The following TBC1D5 variants were observed in gnomAD, a reference collection of about 807,000 sequenced individuals.
TBC1D5 encodes TBC1 domain family member 5, also known as TBC1 domain family, member 5.
In TBC1D5, 75 loss-of-function variants were observed where a neutral mutation model predicts 100.3. The observed-to-expected ratio is 0.75, with a 90% confidence interval of 0.62 to 0.91. TBC1D5 has a LOEUF of 0.91. TBC1D5 is among the 40% of genes least tolerant of loss of function. The pLI, the probability that TBC1D5 is intolerant of heterozygous loss-of-function variation, is 0.00. For missense variants in TBC1D5, 910 were observed against 942.4 expected (o/e 0.97, Z 0.45); for synonymous variants, 323 against 325.6 (o/e 0.99, Z 0.09).
chr3:17,656,806 T>C (rs1351125853), intron 1 of TBC1D5, among the ~76,000 whole-genome samples: 1 of 146,946 alleles, frequency 6.8e-6, no homozygotes, highest in Non-Finnish European at 1.5e-5. Flanking sequence ...AGATATTTTA[T>C]TTATCATCAA....
chr3:17,251,190 C>T (rs1460138872), intron 16 of TBC1D5, among the ~76,000 whole-genome samples: 3 of 152,090 alleles, frequency 2.0e-5, no homozygotes, highest in East Asian at 1.9e-4. Flanking sequence ...TCATCATGGT[C>T]CACTCTTTTA....
intron 1 of TBC1D5, among the ~76,000 whole-genome samples, chr3:17,652,370 C>A (rs755077450): frequency 2.0e-5 from 3 of 152,022 alleles, no homozygotes; most frequent in Non-Finnish European, 1.5e-5. Flanking sequence ...AAAACTACAT[C>A]GAAAACTTCA....
intron 14 of TBC1D5, among the ~76,000 whole-genome samples, chr3:17,298,813 C>T (rs2082520364): frequency 6.6e-6 from 1 of 152,126 alleles, no homozygotes; most frequent in African/African-American, 2.4e-5. Context: ...GACTATATGA[C>T]ATTGTGACAG....
In TBC1D5 at chr3:17,484,783, C is replaced by T. The variant is rs79531044; in HGVS notation, c.97+23691G>A. ...ACAGGCATGAGCCACTAGGCCCGAC[C>T]TTAAAACCAAGTATATATGCTACCA... On this transcript the variant is annotated intron_variant, in intron 3 of 21. Transcript: ENST00000253692. Among the ~76,000 whole-genome samples, 526 of 152,172 alleles carry T rather than the reference C, an allele frequency of 3.5e-3. 3 individuals carry two copies. The highest frequency in any genetic ancestry group is 0.012 in the African/African-American group (511 of 41,516).
chr3:17,490,693 A>T (rs2095629430), intron 3 of TBC1D5, among the ~76,000 whole-genome samples: 1 of 152,192 alleles, frequency 6.6e-6, no homozygotes, highest in African/African-American at 2.4e-5. Context: ...TTGTACCAGT[A>T]CCATGCTGTG....
Position 17,161,033 on chromosome 3 carries a change from G to C in TBC1D5, c.2318C>G (p.Pro773Arg), listed in dbSNP as rs2065974315. ...GCTGTCGTCATCAGGACTGGAGCTG[G>C]GGTTGCTGGAGGAAGCTGAGGCTGG... The change falls in exon 22 of 22, where the codon CCC becomes CGC. Residue 773 changes from proline to arginine, a missense_variant. Transcript: ENST00000253692. The C allele has an allele frequency of 3.1e-6, 5 of 1,614,236 alleles. No homozygotes were observed. The highest frequency in any genetic ancestry group is 4.5e-5 in the East Asian group (2 of 44,874).
chr3:17,307,968 G>C (rs888067091), intron 14 of TBC1D5, 24 bp downstream of exon 14: 3 of 1,589,988 alleles, frequency 1.9e-6, no homozygotes, highest in African/African-American at 1.4e-5. Context: ...CTAGTCAAAT[G>C]TAGGAAAGGT....
At chr3:17,720,692 C>T (rs981665436) in intron 1 of TBC1D5, among the ~76,000 whole-genome samples, 4 of 152,092 alleles carry the variant, frequency 2.6e-5, no homozygotes, top group Non-Finnish European at 5.9e-5. Flanking sequence ...TACCTGTGGT[C>T]CCAGCTATTT....
chr3:17,180,185 T>C (rs2068277046), intron 19 of TBC1D5, among the ~76,000 whole-genome samples: 1 of 152,250 alleles, frequency 6.6e-6, no homozygotes, highest in African/African-American at 2.4e-5. Context: ...ATATTTTCAA[T>C]TCCTGTCTCT....
chr3:17,635,845 G>C (rs535751127), intron 1 of TBC1D5, among the ~76,000 whole-genome samples: 1 of 152,250 alleles, frequency 6.6e-6, no homozygotes, highest in East Asian at 1.9e-4. Flanking sequence ...AAGTTTTACT[G>C]CCAAAATGAA....
At chr3:17,671,514 A>G (rs1230056385) in intron 1 of TBC1D5, among the ~76,000 whole-genome samples, 1 of 152,228 alleles carries the variant, frequency 6.6e-6, no homozygotes, top group Non-Finnish European at 1.5e-5. Context: ...TAATCAAAAA[A>G]AGGTGGAAAA....
intron 1 of TBC1D5, among the ~76,000 whole-genome samples, chr3:17,735,927 G>A (rs1385449530): frequency 1.3e-5 from 2 of 152,322 alleles, no homozygotes; most frequent in Non-Finnish European, 2.9e-5. Flanking sequence ...TCCCATACAA[G>A]GGAGGGGACC....
chr3:17,664,468 C>G (rs963278412), intron 1 of TBC1D5, among the ~76,000 whole-genome samples: 4 of 152,126 alleles, frequency 2.6e-5, no homozygotes, highest in African/African-American at 9.7e-5. Context: ...AACAGTAACA[C>G]TGAATATTCA....
chr3:17,160,887 C>T, exon 22 of TBC1D5: 2 of 1,515,912 alleles, frequency 1.3e-6, no homozygotes, highest in East Asian at 2.3e-5. Context: ...AGGTTCTCCA[C>T]TGGATGAGCC....
intron 15 of TBC1D5, among the ~76,000 whole-genome samples, chr3:17,274,909 T>G (rs1024485704): frequency 3.3e-5 from 5 of 152,126 alleles, no homozygotes; most frequent in African/African-American, 1.2e-4. Context: ...GCTTTCAGCT[T>G]TATCAATTCA....
chr3:17,566,599 A>G (rs2096595369), intron 2 of TBC1D5, among the ~76,000 whole-genome samples: 1 of 151,936 alleles, frequency 6.6e-6, no homozygotes, highest in Non-Finnish European at 1.5e-5. Context: ...TAATGATATT[A>G]AGGATTCCAA....
intron 4 of TBC1D5, among the ~76,000 whole-genome samples, chr3:17,426,435 A>C (rs2094337360): frequency 6.6e-6 from 1 of 152,090 alleles, no homozygotes; most frequent in Non-Finnish European, 1.5e-5. Flanking sequence ...TAAATACTAT[A>C]ATAGTATTTA....
intron 1 of TBC1D5, among the ~76,000 whole-genome samples, chr3:17,705,898 T>A (rs1412311889): frequency 6.6e-6 from 1 of 151,756 alleles, no homozygotes; most frequent in South Asian, 2.1e-4. Context: ...AAGGCAGGCG[T>A]CTGCTCCTTG....
At chr3:17,417,271 A>G (rs2094102934) in intron 4 of TBC1D5, among the ~76,000 whole-genome samples, 1 of 151,838 alleles carries the variant, frequency 6.6e-6, no homozygotes, top group East Asian at 1.9e-4. Flanking sequence ...TACATGTGCC[A>G]TGCTGGTGTG....
Sources: gnomAD v4.1 joint callset for allele counts (sites outside exome capture counted in the v4.1 genomes callset) on GRCh38, gnomAD v4.1.1 for gene constraint, MANE v1.5 for transcripts, NCBI Gene and HGNC (gene_info 2026-07-23, HGNC 2026-07-21) for gene names.